Variants in TMPRSS11A observed in about 807,000 individuals in gnomAD.
TMPRSS11A encodes transmembrane serine protease 11A, also known as transmembrane protease serine 11A.
TMPRSS11A carries 53 observed loss-of-function variants against 58.9 expected under a neutral mutation model. The observed-to-expected ratio is 0.90, with a 90% confidence interval of 0.72 to 1.13. The LOEUF (loss-of-function observed/expected upper bound fraction) is 1.13. Among genes scored for constraint, TMPRSS11A ranks in the 50% most tolerant of loss-of-function variants. The pLI is 0.00. For synonymous variants in TMPRSS11A, 167 were observed against 169.8 expected (o/e 0.98, Z 0.13); for missense variants, 493 against 499.3 (o/e 0.99, Z 0.12).
rs1720956124 is a variant in TMPRSS11A at position 67,944,560 on chromosome 4, T to A, written c.211A>T (p.Thr71Ser). 2 of 1,613,194 alleles carry A rather than the reference T, an allele frequency of 1.2e-6. No homozygotes were observed. The highest frequency in any genetic ancestry group is 1.7e-6 in the Non-Finnish European group (2 of 1,179,380). Residue 71 changes from threonine (T) to serine (S), a missense_variant, in exon 3 of 10, where the codon ACA becomes TCA. Coordinates refer to ENST00000508048, the MANE Select transcript of TMPRSS11A (RefSeq NM_001114387.2). ...QINNNFGQSN[T>S]YQLKDLRETT... ...TCTCGTAAGTCCTTAAGTTGATATG[T>A]GTTGCTTTGTCCGAAATTGTTATTG...
At chr4:67,932,418 G>A (rs1028686121) in intron 3 of TMPRSS11A, among the ~76,000 whole-genome samples, 1 of 152,136 alleles carries the variant, frequency 6.6e-6, no homozygotes. Flanking sequence ...AGCAGAGATA[G>A]GATATTCAGA....
chr4:67,936,709 C>T (rs1215889657), intron 3 of TMPRSS11A, among the ~76,000 whole-genome samples: 1 of 152,192 alleles, frequency 6.6e-6, no homozygotes, highest in African/African-American at 2.4e-5. Flanking sequence ...TCTGTCACTA[C>T]TCACGTGTAA....
chr4:67,937,624 C>T (rs1322128545), intron 3 of TMPRSS11A, among the ~76,000 whole-genome samples: 2 of 152,114 alleles, frequency 1.3e-5, no homozygotes, highest in Non-Finnish European at 2.9e-5. Context: ...AGCTATGGAC[C>T]TTAATTTCAG....
intron 1 of TMPRSS11A, 103 bp downstream of exon 1, chr4:67,963,280 T>C (rs1721483503): frequency 1.8e-6 from 2 of 1,132,172 alleles, no homozygotes; most frequent in Middle Eastern, 4.0e-4. Context: ...GCAGATTGAA[T>C]CCACCAAAGA....
rs779477808 is a variant in TMPRSS11A, at chr4:67,914,745, G to A, written c.953-15C>T. 1.9e-6 allele frequency: 3 copies of A among 1,608,512 alleles called. No individual in the cohort carries two copies. The East Asian group carries it at 6.7e-5, about 36-fold the overall frequency. On this transcript the variant is annotated splice_polypyrimidine_tract_variant and intron_variant, in intron 8 of 9. Coordinates refer to ENST00000508048, the MANE Select transcript of TMPRSS11A (RefSeq NM_001114387.2). The stretch of plus-strand genomic sequence containing the variant: ...TTGGGATTCCCCTTAAGGAAAAATA[G>A]AGTTATTCTAGTATTTACAATCAGC...
intron 3 of TMPRSS11A, among the ~76,000 whole-genome samples, chr4:67,942,994 A>C (rs1043911342): frequency 5.3e-5 from 8 of 151,982 alleles, no homozygotes; most frequent in Admixed American, 3.9e-4. Flanking sequence ...GAATGAATAC[A>C]AACAAAAGAA....
chr4:67,955,895 AT>A (rs1399000792), intron 1 of TMPRSS11A, among the ~76,000 whole-genome samples: 3 of 152,196 alleles, frequency 2.0e-5, no homozygotes, highest in Non-Finnish European at 4.4e-5. Flanking sequence ...CAAATAACAA[AT>A]TTCCATTAAG....
rs779608408 is a variant in TMPRSS11A, at chr4:67,918,978, T to G, written c.947A>C (p.Tyr316Ser). 1.9e-6 allele frequency: 3 copies of G among 1,614,054 alleles called. No individual in the cohort carries two copies. The highest frequency in any genetic ancestry group is 2.5e-6 in the Non-Finnish European group (3 of 1,179,982). The change falls in exon 8 of 10, where the codon TAT becomes TCT. Residue 316 changes from tyrosine (Y) to serine (S), a missense_variant. Tyr to Ser is a moderately radical substitution (Grantham distance 144, BLOSUM62 -2). Transcript: ENST00000508048. ...AGCTATCCTGAGATACCCACCACCA[T>G]AGTAAAGTGCTCCAAATCCTGTGAT... ...VHITGFGALY[Y>S]GGESQNDLRE...
chr4:67,934,156 AT>A (rs1181642037), intron 3 of TMPRSS11A, among the ~76,000 whole-genome samples: 1 of 152,170 alleles, frequency 6.6e-6, no homozygotes, highest in Non-Finnish European at 1.5e-5. Flanking sequence ...GAAAAGTCTC[AT>A]TTACTACATC....
intron 3 of TMPRSS11A, 24 bp downstream of exon 3, chr4:67,944,495 T>C (rs1464721532): frequency 5.0e-6 from 8 of 1,598,936 alleles, no homozygotes; most frequent in Admixed American, 1.8e-5. Context: ...TATTCTATGA[T>C]AAAAAGAAGT....
At chr4:67,935,486 C>G (rs891888928) in intron 3 of TMPRSS11A, among the ~76,000 whole-genome samples, 1 of 151,992 alleles carries the variant, frequency 6.6e-6, no homozygotes, top group Non-Finnish European at 1.5e-5. Flanking sequence ...CCTCTTATAC[C>G]TTTTATTCTT....
At chr4:67,945,321 G>A (rs942632789) in intron 2 of TMPRSS11A, among the ~76,000 whole-genome samples, 1 of 152,062 alleles carries the variant, frequency 6.6e-6, no homozygotes, top group African/African-American at 2.4e-5. Flanking sequence ...GATAGAGAAT[G>A]GGAAAAATAC....
chr4:67,911,839 T>G (rs1322497171), intron 9 of TMPRSS11A, among the ~76,000 whole-genome samples: 1 of 152,178 alleles, frequency 6.6e-6, no homozygotes, highest in African/African-American at 2.4e-5. Context: ...GCTTGTTTAA[T>G]GATTTCTTAT....
intron 1 of TMPRSS11A, among the ~76,000 whole-genome samples, chr4:67,958,973 CT>C (rs999468324): frequency 2.6e-5 from 4 of 152,172 alleles, no homozygotes; most frequent in Non-Finnish European, 5.9e-5. Context: ...ACAATCATGC[CT>C]TTTACCTTCT....
chr4:67,915,137 T>G lies in TMPRSS11A; in HGVS notation c.953-407A>C, dbSNP rs116530257. On this transcript the variant is annotated intron_variant, in intron 8 of 9. Transcript: ENST00000508048. Reference sequence around the variant, plus strand: ...TGCCTATAATACTATGTACATTTATTTTATTATTTAAAGTTTATGATGAGC... The same window carrying G: ...TGCCTATAATACTATGTACATTTATGTTATTATTTAAAGTTTATGATGAGC... Among the ~76,000 whole-genome samples, 242 of 152,160 alleles carry G rather than the reference T, an allele frequency of 1.6e-3. 1 individual carries two copies. Among genetic ancestry groups the G allele is most frequent in the Non-Finnish European group, 3.2e-3 (216 of 67,978 alleles).
intron 8 of TMPRSS11A, among the ~76,000 whole-genome samples, chr4:67,916,546 C>G (rs1156659849): frequency 6.6e-6 from 1 of 151,944 alleles, no homozygotes; most frequent in Non-Finnish European, 1.5e-5. Context: ...CATTCATGGC[C>G]TGGCGCGCGG....
intron 8 of TMPRSS11A, among the ~76,000 whole-genome samples, chr4:67,916,472 T>TACACACACACACACAC (rs34678013): frequency 6.7e-6 from 1 of 150,094 alleles, no homozygotes; most frequent in African/African-American, 2.5e-5. Flanking sequence ...ATATATATTA[T>TACACACACACACACAC]ACACACACAC....
At chr4:67,912,837 A>T (rs1720020982) in intron 9 of TMPRSS11A, among the ~76,000 whole-genome samples, 1 of 152,158 alleles carries the variant, frequency 6.6e-6, no homozygotes, top group Non-Finnish European at 1.5e-5. Context: ...CTTCAATAGG[A>T]TGCATGTAAG....
intron 1 of TMPRSS11A, among the ~76,000 whole-genome samples, chr4:67,959,662 T>A (rs868646284): frequency 1.3e-5 from 2 of 151,862 alleles, no homozygotes; most frequent in Non-Finnish European, 2.9e-5. Context: ...TATTAAAGAG[T>A]CAAAAAACAG....
Sources: allele counts gnomAD v4.1 joint callset (sites outside exome capture counted in the v4.1 genomes callset), GRCh38; gene constraint gnomAD v4.1.1; transcripts MANE v1.5; gene names NCBI Gene and HGNC (gene_info 2026-07-23, HGNC 2026-07-21).